PHKA2: variants seen among roughly 807,000 people sequenced by gnomAD.
PHKA2 encodes phosphorylase kinase regulatory subunit alpha 2.
Under a neutral mutation model 102.0 loss-of-function variants are expected in PHKA2, and 31 were observed. That is an observed-to-expected ratio of 0.30 (90% CI 0.23 to 0.41). PHKA2 has a LOEUF of 0.41. Ranked by LOEUF, PHKA2 falls within the 10% of genes least tolerant of loss-of-function variation. PHKA2 has a pLI of 1.00. For missense variants in PHKA2, 858 were observed against 1,023.1 expected (o/e 0.84, Z 2.20); for synonymous variants, 455 against 416.2 (o/e 1.09, Z -1.13).
intron 18 of PHKA2, among the ~76,000 whole-genome samples, chrX:18,919,728 CAAAAA>C (rs56042937): frequency 3.6e-5 from 1 of 27,576 alleles, no homozygotes; most frequent in African/African-American, 1.1e-4. Flanking sequence ...CAAACAACAA[CAAAAA>C]AAAAAAAAAA....
In PHKA2 at chrX:18,907,026, G is replaced by A. The variant is rs1444370989; in HGVS notation, c.2589C>T (p.Ile863=). Residue 863 remains isoleucine, a synonymous_variant, in exon 23 of 33, where the codon ATC becomes ATT. Transcript: ENST00000379942. ...VGLPPEPREK[I]ISAPLPPEEL... ...CAAGGCTGAGGACTTACGCAGAGATGATCTTCTCCCGGGGCTCGGGCGGCA... is the reference window on the plus strand; with the variant it reads ...CAAGGCTGAGGACTTACGCAGAGATAATCTTCTCCCGGGGCTCGGGCGGCA... The A allele has an allele frequency of 8.4e-7, 1 of 1,196,339 alleles. No homozygotes were observed. Among genetic ancestry groups the A allele is most frequent in the East Asian group, 3.0e-5 (1 of 33,271 alleles).
Position 18,950,839 on chromosome X carries a change from A to G in PHKA2, c.454+265T>C, listed in dbSNP as rs768334381. 2.7e-5 allele frequency among the ~76,000 whole-genome samples: 3 copies of G among 112,035 alleles called. No individual in the cohort carries two copies. In the South Asian group the frequency reaches 1.1e-3, roughly 42 times the overall value. Reference sequence around the variant, plus strand: ...CTCTCTTGCCCTTCTGGTCTCCCCCATGGGAGGGCACAGCAGTCCTCCTCT... The same window carrying G: ...CTCTCTTGCCCTTCTGGTCTCCCCCGTGGGAGGGCACAGCAGTCCTCCTCT... On this transcript the variant is annotated intron_variant, in intron 4 of 32. Transcript: ENST00000379942.
At chrX:18,964,703 T>TTATATATATA (rs1333259599) in intron 1 of PHKA2, among the ~76,000 whole-genome samples, 1 of 112,391 alleles carries the variant, frequency 8.9e-6, no homozygotes, top group African/African-American at 3.2e-5. Context: ...AAAGGAGGAA[T>TTATATATATA]TATAATAGCA....
At chrX:18,981,312 C>G (rs1477261543) in intron 1 of PHKA2, among the ~76,000 whole-genome samples, 1 of 111,079 alleles carries the variant, frequency 9.0e-6, no homozygotes, top group African/African-American at 3.3e-5. Flanking sequence ...CTTGATGACA[C>G]AGGAAGGGAA....
chrX:18,939,377 TCTCA>T (rs748251906), intron 9 of PHKA2, among the ~76,000 whole-genome samples: 1 of 110,933 alleles, frequency 9.0e-6, no homozygotes, highest in Non-Finnish European at 1.9e-5. Context: ...AGAGACAAGG[TCTCA>T]CTATGTTGCC....
chrX:18,919,289 G>A (rs1024675309), intron 18 of PHKA2, among the ~76,000 whole-genome samples: 1 of 111,621 alleles, frequency 9.0e-6, no homozygotes, highest in African/African-American at 3.3e-5. Context: ...TATTCAGACT[G>A]ACAAATGTTA....
intron 7 of PHKA2, among the ~76,000 whole-genome samples, chrX:18,943,344 C>T (rs1256326396): frequency 8.9e-6 from 1 of 112,133 alleles, no homozygotes; most frequent in East Asian, 2.8e-4. Flanking sequence ...AGTGCTTGCT[C>T]ATCATTCAAT....
intron 3 of PHKA2, 120 bp from the exon 4 acceptor site, chrX:18,951,392 G>T: frequency 1.4e-6 from 1 of 724,296 alleles, no homozygotes; most frequent in Non-Finnish European, 2.2e-6. Flanking sequence ...GAGCCAGAGG[G>T]ATGGAAGGCA....
intron 7 of PHKA2, among the ~76,000 whole-genome samples, chrX:18,942,224 T>C (rs1396645426): frequency 8.9e-6 from 1 of 112,004 alleles, no homozygotes; most frequent in African/African-American, 3.3e-5. Context: ...TAGGGTTACT[T>C]AGAGGCACTA....
intron 1 of PHKA2, among the ~76,000 whole-genome samples, chrX:18,969,126 A>G (rs1247608569): frequency 9.0e-6 from 1 of 111,129 alleles, no homozygotes; most frequent in Non-Finnish European, 1.9e-5. Context: ...TAAAAAAAAA[A>G]AAAAAAGTTT....
chrX:18,946,669 C>T (rs1209257570), intron 5 of PHKA2, among the ~76,000 whole-genome samples: 1 of 110,179 alleles, frequency 9.1e-6, no homozygotes, highest in East Asian at 2.8e-4. Context: ...ACACTCAGAG[C>T]CTGTTCCTGC....
chrX:18,925,233 G>GAC (rs1185121794), intron 15 of PHKA2, among the ~76,000 whole-genome samples: 1 of 112,263 alleles, frequency 8.9e-6, no homozygotes, highest in Non-Finnish European at 1.9e-5. Context: ...ACTTCCACAG[G>GAC]ACTAGTTTTC....
At chrX:18,900,427 G>A (rs2047659633) in intron 28 of PHKA2, among the ~76,000 whole-genome samples, 1 of 111,387 alleles carries the variant, frequency 9.0e-6, no homozygotes, top group Non-Finnish European at 1.9e-5. Context: ...GGCAGAGCCT[G>A]GATGATCTCT....
At chrX:18,942,816 C>T (rs1034730313) in intron 7 of PHKA2, among the ~76,000 whole-genome samples, 1 of 106,274 alleles carries the variant, frequency 9.4e-6, no homozygotes, top group Admixed American at 1.0e-4. Flanking sequence ...CCACTGCACT[C>T]CAGCCTAGGC....
At chrX:18,977,928 G>A (rs368855728) in intron 1 of PHKA2, among the ~76,000 whole-genome samples, 1 of 112,251 alleles carries the variant, frequency 8.9e-6, no homozygotes, top group South Asian at 3.7e-4. Context: ...TTGGGAGGCC[G>A]AGGCGGGCAG....
chrX:18,946,915 A>G (rs2048589097), intron 5 of PHKA2, among the ~76,000 whole-genome samples: 1 of 109,229 alleles, frequency 9.2e-6, no homozygotes, highest in Non-Finnish European at 1.9e-5. Flanking sequence ...GTCTAGCAGC[A>G]GTCCTAGTCT....
Position 18,978,327 on chromosome X carries a change from C to A in PHKA2, c.78+5528G>T, listed in dbSNP as rs189596179. The stretch of plus-strand genomic sequence containing the variant: ...TATTTTGTACTTTATATTTACCACA[C>A]TTTTTTCTTTATTTCCTACCCTCCC... On this transcript the variant is annotated intron_variant, in intron 1 of 32. Coordinates refer to ENST00000379942, the MANE Select transcript of PHKA2 (RefSeq NM_000292.3). Among the ~76,000 whole-genome samples, 52 of 111,683 alleles carry A rather than the reference C, an allele frequency of 4.7e-4. 1 individual carries two copies. The highest frequency in any genetic ancestry group is 1.6e-3 in the African/African-American group (50 of 30,751).
intron 1 of PHKA2, among the ~76,000 whole-genome samples, chrX:18,966,254 A>AT (rs1361703941): frequency 9.3e-6 from 1 of 107,298 alleles, no homozygotes; most frequent in African/African-American, 3.4e-5. Context: ...CACTCGGCTA[A>AT]TTTTTTTTTG....
At chrX:18,938,222 G>A (rs2048424208) in intron 10 of PHKA2, among the ~76,000 whole-genome samples, 1 of 112,970 alleles carries the variant, frequency 8.9e-6, no homozygotes, top group Non-Finnish European at 1.9e-5. Context: ...ATGGCCCAGA[G>A]ACTACAATAT....
Sources: allele counts gnomAD v4.1 joint callset (sites outside exome capture counted in the v4.1 genomes callset), GRCh38; gene constraint gnomAD v4.1.1; transcripts MANE v1.5; gene names NCBI Gene and HGNC (gene_info 2026-07-23, HGNC 2026-07-21).